Variants in PRICKLE2 observed in about 807,000 individuals in gnomAD.
PRICKLE2 encodes the protein prickle planar cell polarity protein 2.
A neutral mutation model predicts 81.4 loss-of-function variants in PRICKLE2; 21 were observed. The ratio of observed to expected loss-of-function variants is 0.26; its 90% CI spans 0.18 to 0.37. The LOEUF (loss-of-function observed/expected upper bound fraction) is 0.37. PRICKLE2 is among the 10% of genes least tolerant of loss of function. The pLI is 1.00. For synonymous variants in PRICKLE2, 456 were observed against 421.5 expected (o/e 1.08, Z -1.00); for missense variants, 940 against 1,109.0 (o/e 0.85, Z 2.16).
chr3:64,236,539 T>A (rs147866693), intron 2 of PRICKLE2, among the ~76,000 whole-genome samples: 2 of 152,370 alleles, frequency 1.3e-5, no homozygotes, highest in African/African-American at 4.8e-5. Flanking sequence ...ACAGCTTACA[T>A]ATCCCTCAAA....
chr3:64,237,969 G>T (rs984539899), intron 2 of PRICKLE2, among the ~76,000 whole-genome samples: 1 of 152,098 alleles, frequency 6.6e-6, no homozygotes, highest in Admixed American at 6.6e-5. Context: ...CCTGCAGGAG[G>T]TTGCTGGGAA....
chr3:64,240,360 T>C (rs1422183311), intron 2 of PRICKLE2, among the ~76,000 whole-genome samples: 5 of 152,192 alleles, frequency 3.3e-5, no homozygotes, highest in Admixed American at 2.0e-4. Context: ...CTCCTCTGCA[T>C]AGCACCACCA....
At chr3:64,109,428 GTC>G (rs2076808184) in intron 7 of PRICKLE2, among the ~76,000 whole-genome samples, 1 of 152,128 alleles carries the variant, frequency 6.6e-6, no homozygotes, top group Non-Finnish European at 1.5e-5. Context: ...TATCTAGCAG[GTC>G]TCAGGTGATC....
At chr3:64,167,860 C>T (rs1326821576) in intron 2 of PRICKLE2, among the ~76,000 whole-genome samples, 1 of 152,190 alleles carries the variant, frequency 6.6e-6, no homozygotes, top group Non-Finnish European at 1.5e-5. Context: ...GGGACATTTG[C>T]ATTTCTGACT....
At chr3:64,259,008 AATTTC>A (rs2079576367) in intron 2 of PRICKLE2, among the ~76,000 whole-genome samples, 1 of 151,982 alleles carries the variant, frequency 6.6e-6, no homozygotes, top group Admixed American at 6.6e-5. Flanking sequence ...TAGCTTATGA[AATTTC>A]ATTCAGCTGA....
intron 4 of PRICKLE2, among the ~76,000 whole-genome samples, chr3:64,158,359 A>G (rs184091028): frequency 6.6e-6 from 1 of 152,356 alleles, no homozygotes; most frequent in Non-Finnish European, 1.5e-5. Flanking sequence ...TGACTGGACA[A>G]AAGAAAGGCA....
chr3:64,163,407 A>T (rs138480996), intron 2 of PRICKLE2: 558 of 485,258 alleles, frequency 1.1e-3, no homozygotes, highest in African/African-American at 0.01. Context: ...TTCAGCAGAC[A>T]TGCTGGTGAA....
intron 2 of PRICKLE2, among the ~76,000 whole-genome samples, chr3:64,189,154 T>A (rs746489285): frequency 6.6e-6 from 1 of 152,118 alleles, no homozygotes; most frequent in African/African-American, 2.4e-5. Context: ...TCTGTACCAG[T>A]AACATGAGAG....
chr3:64,175,823 C>A (rs979605850), intron 2 of PRICKLE2, among the ~76,000 whole-genome samples: 3 of 152,090 alleles, frequency 2.0e-5, no homozygotes, highest in African/African-American at 7.2e-5. Flanking sequence ...TAAGGCTGTA[C>A]ATAATTGTCA....
chr3:64,114,706 T>C (rs1404513196), intron 7 of PRICKLE2, among the ~76,000 whole-genome samples: 1 of 151,734 alleles, frequency 6.6e-6, no homozygotes, highest in African/African-American at 2.4e-5. Flanking sequence ...ACAAAACCTT[T>C]GAGAAATATG....
At chr3:64,145,715 G>A (rs2107012641) in intron 7 of PRICKLE2, 1 of 152,136 alleles carries the variant, frequency 6.6e-6, no homozygotes, top group South Asian at 2.1e-4. Context: ...GTTCAGAACA[G>A]TCTCAGAAGC....
chr3:64,231,778 C>A (rs2079108431), intron 2 of PRICKLE2, among the ~76,000 whole-genome samples: 2 of 152,064 alleles, frequency 1.3e-5, no homozygotes, highest in Admixed American at 1.3e-4. Flanking sequence ...CACCATAAAC[C>A]AAAAATGTAG....
chr3:64,267,542 A>G (rs1343256289), intron 2 of PRICKLE2, among the ~76,000 whole-genome samples: 1 of 151,144 alleles, frequency 6.6e-6, no homozygotes, highest in Non-Finnish European at 1.5e-5. Flanking sequence ...TTAAATATTT[A>G]GGGGAAAATG....
intron 1 of PRICKLE2, among the ~76,000 whole-genome samples, chr3:64,216,960 C>A (rs894086981): frequency 6.6e-6 from 1 of 152,160 alleles, no homozygotes; most frequent in Admixed American, 6.5e-5. Flanking sequence ...AGATGATGAA[C>A]TCAAAAGCAA....
At chr3:64,129,855 T>A (rs1159725062) in intron 7 of PRICKLE2, among the ~76,000 whole-genome samples, 2 of 152,150 alleles carry the variant, frequency 1.3e-5, no homozygotes, top group Non-Finnish European at 2.9e-5. Flanking sequence ...TTTTGAGGTG[T>A]CTGTGGCAGT....
chr3:64,096,793 G>A lies in PRICKLE2; in HGVS notation c.*2258C>T, dbSNP rs1454120433. The A allele has an allele frequency of 6.6e-6, 1 of 152,598 alleles. No individual in the cohort carries two copies. The highest frequency in any genetic ancestry group is 1.5e-5 in the Non-Finnish European group (1 of 68,024). 9.5% of individuals were successfully genotyped at this position (152,598 alleles called of 1,614,324 possible). ...AGGTATTCTGAGAAAAACAGAGTTA[G>A]GAAGCAACTTTTACTGGGAGAATTT... is the stretch of plus-strand genomic sequence containing the variant. On this transcript the variant is annotated 3_prime_UTR_variant, in exon 8 of 8. Transcript: ENST00000638394.
rs560881276 is a variant in PRICKLE2 at position 64,097,574 on chromosome 3, A to G, written c.*1477T>C. Reference sequence around the variant, plus strand: ...TTACTATAAACAGCACAACCGTTAAATGTCTTCATTAAGCAAACTCACTTT... The same window carrying G: ...TTACTATAAACAGCACAACCGTTAAGTGTCTTCATTAAGCAAACTCACTTT... On this transcript the variant is annotated 3_prime_UTR_variant, in exon 8 of 8. Transcript: ENST00000638394. The G allele has an allele frequency of 6.5e-6, 1 of 152,748 alleles. No homozygotes were observed. The highest frequency in any genetic ancestry group is 6.5e-5 in the Admixed American group (1 of 15,294). The allele number at this position is 152,748 out of a possible 1,614,324, so 9.5% of individuals were successfully genotyped here. A position where few individuals can be genotyped will look rare whatever the true frequency, so the allele number is the denominator to read the frequency against.
intron 2 of PRICKLE2, among the ~76,000 whole-genome samples, chr3:64,179,648 C>T (rs953487922): frequency 4.6e-5 from 7 of 152,086 alleles, no homozygotes; most frequent in South Asian, 2.1e-4. Context: ...TTAATGACCA[C>T]GAGAGTGCTG....
chr3:64,162,310 T>G (rs1016716416), intron 3 of PRICKLE2, among the ~76,000 whole-genome samples: 9 of 152,184 alleles, frequency 5.9e-5, no homozygotes, highest in Non-Finnish European at 1.3e-4. Context: ...AAAAATGAAT[T>G]TCTAGCATGT....
Sources: gnomAD v4.1 joint callset for allele counts (sites outside exome capture counted in the v4.1 genomes callset) on GRCh38, gnomAD v4.1.1 for gene constraint, MANE v1.5 for transcripts, NCBI Gene and HGNC (gene_info 2026-07-23, HGNC 2026-07-21) for gene names.